The following TOX variants were observed in gnomAD, a reference collection of about 807,000 sequenced individuals.
TOX encodes the protein thymocyte selection-associated high mobility group box protein TOX.
A neutral mutation model predicts 53.7 loss-of-function variants in TOX; 11 were observed. That is an observed-to-expected ratio of 0.20 (90% CI 0.13 to 0.34). TOX has a LOEUF of 0.34. TOX is among the 10% of genes least tolerant of loss of function. The probability of loss-of-function intolerance (pLI) is 1.00; values close to 1 mark genes in which losing one functional copy is unlikely to be tolerated. For synonymous variants in TOX, 225 were observed against 245.3 expected (o/e 0.92, Z 0.77); for missense variants, 570 against 664.6 (o/e 0.86, Z 1.56).
chr8:59,061,676 A>G (rs980947501), intron 1 of TOX, among the ~76,000 whole-genome samples: 3 of 152,006 alleles, frequency 2.0e-5, no homozygotes, highest in Non-Finnish European at 4.4e-5. Flanking sequence ...CCCCTTGAAT[A>G]AAGCCCACTC....
intron 2 of TOX, among the ~76,000 whole-genome samples, chr8:58,955,653 T>C (rs1023941761): frequency 1.3e-5 from 2 of 151,934 alleles, no homozygotes; most frequent in Non-Finnish European, 2.9e-5. Context: ...GAGGCAGGCA[T>C]GTGAAGAGCT....
intron 3 of TOX, among the ~76,000 whole-genome samples, chr8:58,924,972 C>A (rs1276227788): frequency 6.6e-6 from 1 of 152,152 alleles, no homozygotes; most frequent in Non-Finnish European, 1.5e-5. Context: ...GAGTTTGACT[C>A]CTCCTCTTCC....
chr8:59,079,657 C>T (rs1804363312), intron 1 of TOX, among the ~76,000 whole-genome samples: 1 of 152,230 alleles, frequency 6.6e-6, no homozygotes, highest in Admixed American at 6.5e-5. Flanking sequence ...CCAGGATGCT[C>T]AGGCAGGAAC....
At chr8:59,094,467 G>A (rs1299774302) in intron 1 of TOX, among the ~76,000 whole-genome samples, 1 of 151,914 alleles carries the variant, frequency 6.6e-6, no homozygotes, top group East Asian at 1.9e-4. Context: ...GTGAAACCCT[G>A]TCTCCACTAA....
At chr8:59,009,877 T>C (rs946060103) in intron 1 of TOX, among the ~76,000 whole-genome samples, 3 of 152,236 alleles carry the variant, frequency 2.0e-5, no homozygotes, top group Admixed American at 6.5e-5. Flanking sequence ...CAAAGGGAGA[T>C]GTGAAACTAA....
chr8:59,032,077 G>A (rs1347331813), intron 1 of TOX, among the ~76,000 whole-genome samples: 3 of 152,180 alleles, frequency 2.0e-5, no homozygotes, highest in Non-Finnish European at 2.9e-5. Flanking sequence ...AGCCTCTAAA[G>A]CAATCCATAC....
At chr8:59,027,487 A>G (rs1814267699) in intron 1 of TOX, among the ~76,000 whole-genome samples, 1 of 152,022 alleles carries the variant, frequency 6.6e-6, no homozygotes, top group Non-Finnish European at 1.5e-5. Context: ...AGATGATTTA[A>G]AACATGAAAA....
At chr8:59,088,270 T>A (rs1804548890) in intron 1 of TOX, among the ~76,000 whole-genome samples, 1 of 152,232 alleles carries the variant, frequency 6.6e-6, no homozygotes, top group Non-Finnish European at 1.5e-5. Flanking sequence ...TTTCAAAAGT[T>A]CATTTCAGCT....
intron 2 of TOX, among the ~76,000 whole-genome samples, chr8:58,951,905 A>T (rs1812627977): frequency 6.6e-6 from 1 of 152,230 alleles, no homozygotes; most frequent in South Asian, 2.1e-4. Flanking sequence ...ATTTCAAATC[A>T]TTAGGGTTAT....
intron 2 of TOX, among the ~76,000 whole-genome samples, chr8:58,954,018 CAGT>C: frequency 6.6e-6 from 1 of 152,208 alleles, no homozygotes; most frequent in East Asian, 1.9e-4. Context: ...ATAATTCTAA[CAGT>C]AGATTTGAGA....
At chr8:59,076,594 T>A (rs149399881) in intron 1 of TOX, among the ~76,000 whole-genome samples, 14 of 152,358 alleles carry the variant, frequency 9.2e-5, no homozygotes, top group African/African-American at 3.1e-4. Flanking sequence ...ACAATGTGAC[T>A]AATATAATGG....
At chr8:59,100,987 T>C (rs1029615207) in intron 1 of TOX, among the ~76,000 whole-genome samples, 10 of 152,358 alleles carry the variant, frequency 6.6e-5, no homozygotes, top group Middle Eastern at 3.4e-3. Context: ...AGTTACCAAG[T>C]TACTGCATCC....
At chr8:59,096,061 A>G (rs192203644) in intron 1 of TOX, among the ~76,000 whole-genome samples, 6 of 152,336 alleles carry the variant, frequency 3.9e-5, no homozygotes, top group African/African-American at 1.4e-4. Flanking sequence ...CATTTCAAAT[A>G]TATTTACAAA....
chr8:58,990,260 G>T (rs1468063215), intron 1 of TOX, among the ~76,000 whole-genome samples: 2 of 152,080 alleles, frequency 1.3e-5, no homozygotes, highest in African/African-American at 4.8e-5. Context: ...GATGGGATTT[G>T]ACTCTAGAAT....
intron 4 of TOX, among the ~76,000 whole-genome samples, chr8:58,838,794 C>T (rs370189396): frequency 6.0e-5 from 9 of 149,598 alleles, no homozygotes; most frequent in East Asian, 5.9e-4. Flanking sequence ...CTCTGCCTCC[C>T]GAGTTCAAGC....
At chr8:58,966,667 T>A (rs1256232865) in intron 1 of TOX, among the ~76,000 whole-genome samples, 2 of 152,114 alleles carry the variant, frequency 1.3e-5, no homozygotes, top group Non-Finnish European at 2.9e-5. Flanking sequence ...TTCTTTTTGT[T>A]AACTGTGAAA....
chr8:58,851,890 G>GTAA lies in TOX; in HGVS notation c.412-88_412-86dup, dbSNP rs1810832110. 4.3e-6 allele frequency: 5 copies of GTAA among 1,154,178 alleles called. No individual in the cohort carries two copies. The South Asian group carries it at 1.5e-4, about 34-fold the overall frequency. The allele number at this position is 1,154,178 out of a possible 1,614,324, so 71.5% of individuals were successfully genotyped here. A position where few individuals can be genotyped will look rare whatever the true frequency, so the allele number is the denominator to read the frequency against. On this transcript the variant is annotated intron_variant, in intron 3 of 8. Coordinates refer to ENST00000361421, the MANE Select transcript of TOX (RefSeq NM_014729.3). This position sits in a 1 kb window ranked among gnomAD's most constrained non-coding sequence, Gnocchi z 4.4. ...TAACAAATATGTTTTGGGCAAAAAA[G>GTAA]TAATAATTCTTTAGATTTCCAGATG... is the stretch of plus-strand genomic sequence containing the variant.
chr8:58,976,666 C>T (rs1321850631), intron 1 of TOX, among the ~76,000 whole-genome samples: 2 of 152,206 alleles, frequency 1.3e-5, no homozygotes, highest in Non-Finnish European at 2.9e-5. Flanking sequence ...TATAATCTTA[C>T]AAAATGTATT....
intron 3 of TOX, among the ~76,000 whole-genome samples, chr8:58,884,298 A>AT (rs1195674409): frequency 1.3e-5 from 2 of 152,102 alleles, no homozygotes; most frequent in Non-Finnish European, 2.9e-5. Flanking sequence ...ATATGCATTG[A>AT]TTTTTCCGCC....
Sources: gnomAD v4.1 joint callset for allele counts (sites outside exome capture counted in the v4.1 genomes callset) on GRCh38, gnomAD v4.1.1 for gene constraint, Gnocchi (gnomAD v3.1) non-coding constraint, MANE v1.5 for transcripts, NCBI Gene and HGNC (gene_info 2026-07-23, HGNC 2026-07-21) for gene names.